The following SEMA4D variants were observed in gnomAD, a reference collection of about 807,000 sequenced individuals.
The protein encoded by SEMA4D is semaphorin 4D.
SEMA4D carries 22 observed loss-of-function variants against 74.8 expected under a neutral mutation model. The observed-to-expected ratio is 0.29, with a 90% CI of 0.21 to 0.42. SEMA4D has a LOEUF of 0.42. SEMA4D is among the 10% of genes least tolerant of loss of function. The probability of loss-of-function intolerance (pLI) is 1.00; values close to 1 mark genes in which losing one functional copy is unlikely to be tolerated. For missense variants in SEMA4D, 937 were observed against 1,118.4 expected (o/e 0.84, Z 2.31); for synonymous variants, 445 against 463.7 (o/e 0.96, Z 0.52).
At position 89,378,659 on chromosome 9, in the gene SEMA4D, T is replaced by C; in HGVS notation, c.*45A>G. Reference sequence around the variant, plus strand: ...GGAGAAACACAAAACTCTCCACGCCTGGACACGTCGCAGCCGAGGCACCAG... The same window carrying C: ...GGAGAAACACAAAACTCTCCACGCCCGGACACGTCGCAGCCGAGGCACCAG... On this transcript the variant is annotated 3_prime_UTR_variant, in exon 16 of 16. Coordinates refer to ENST00000422704, the MANE Select transcript of SEMA4D (RefSeq NM_001371194.2). 1 of 1,486,538 alleles carries C rather than the reference T, an allele frequency of 6.7e-7. No homozygotes were observed. The highest frequency in any genetic ancestry group is 9.4e-7 in the Non-Finnish European group (1 of 1,068,214). The allele number at this position is 1,486,538 out of a possible 1,614,324, so 92.1% of individuals were successfully genotyped here.
rs768446379 is a variant in SEMA4D at position 89,363,484 on chromosome 9, C to T, written c.2136G>A (p.Trp712Ter). ...GGTCGTGCTCCCCAGCCACAGCCCT[C>T]CAGGCAGAGAGCTCTCTGGTCCACC... The change falls in exon 18 of 19, where the codon TGG becomes TGA. Residue 712 changes from tryptophan (W) to a stop codon, truncating the protein, a stop_gained. Transcript: ENST00000339861. LOFTEE classifies it high-confidence loss of function. The T allele has an allele frequency of 6.2e-7, 1 of 1,614,126 alleles. No individual in the cohort carries two copies. The highest frequency in any genetic ancestry group is 1.1e-5 in the South Asian group (1 of 91,088).
intron 2 of SEMA4D, among the ~76,000 whole-genome samples, chr9:89,440,502 C>T (rs1851461956): frequency 6.7e-6 from 1 of 150,022 alleles, no homozygotes; most frequent in Non-Finnish European, 1.5e-5. Context: ...CTGAGCCCTA[C>T]CCTCCGCTTG....
intron 1 of SEMA4D, among the ~76,000 whole-genome samples, chr9:89,463,020 A>C (rs1271501046): frequency 8.5e-6 from 1 of 117,180 alleles, no homozygotes; most frequent in Admixed American, 8.9e-5. Flanking sequence ...CAGAAAAGGG[A>C]AACAGAACAA....
intron 9 of SEMA4D, among the ~76,000 whole-genome samples, chr9:89,389,595 T>C (rs936783950): frequency 1.3e-5 from 2 of 152,238 alleles, no homozygotes; most frequent in Admixed American, 1.3e-4. Flanking sequence ...GCTTTGAACC[T>C]AAGTTCTTTA....
chr9:89,428,152 C>A (rs1181222928), intron 2 of SEMA4D, among the ~76,000 whole-genome samples: 6 of 152,174 alleles, frequency 3.9e-5, no homozygotes, highest in African/African-American at 1.4e-4. Flanking sequence ...CCACCGCTGA[C>A]CTGTCATGGA....
chr9:89,467,604 T>A (rs1263390148), intron 1 of SEMA4D, among the ~76,000 whole-genome samples: 1 of 151,246 alleles, frequency 6.6e-6, no homozygotes, highest in Non-Finnish European at 1.5e-5. Context: ...CAATCTCAGC[T>A]TACTGCAACC....
intron 16 of SEMA4D, chr9:89,364,642 T>C (rs1055058914): frequency 6.4e-6 from 1 of 155,592 alleles, no homozygotes; most frequent in Non-Finnish European, 1.4e-5. Context: ...CTGTTGTTTT[T>C]CTCTGGGCTT....
intron 2 of SEMA4D, among the ~76,000 whole-genome samples, chr9:89,422,691 C>A (rs1014575903): frequency 1.3e-5 from 2 of 152,212 alleles, no homozygotes; most frequent in Non-Finnish European, 2.9e-5. Flanking sequence ...TCTCCACTTA[C>A]AATTCATTTT....
intron 2 of SEMA4D, among the ~76,000 whole-genome samples, chr9:89,406,220 C>T (rs749546859): frequency 5.8e-4 from 89 of 152,204 alleles, no homozygotes; most frequent in Non-Finnish European, 1.1e-3. Flanking sequence ...TGTACACACA[C>T]ACATGCACGG....
At chr9:89,421,435 C>A (rs939408895) in intron 2 of SEMA4D, among the ~76,000 whole-genome samples, 10 of 152,202 alleles carry the variant, frequency 6.6e-5, no homozygotes, top group African/African-American at 2.4e-4. Flanking sequence ...CCCTGCTGGG[C>A]AACACCTGCC....
At chr9:89,435,035 A>G (rs1219697686) in intron 2 of SEMA4D, among the ~76,000 whole-genome samples, 1 of 152,192 alleles carries the variant, frequency 6.6e-6, no homozygotes, top group Non-Finnish European at 1.5e-5. Flanking sequence ...GGAAGTCCCA[A>G]CCAAACACAT....
chr9:89,477,609 C>T (rs949559867), intron 1 of SEMA4D, among the ~76,000 whole-genome samples: 11 of 152,246 alleles, frequency 7.2e-5, no homozygotes, highest in East Asian at 5.8e-4. Context: ...GGCATGACCG[C>T]GACTTTGGGG....
chr9:89,450,784 C>T lies in SEMA4D; in HGVS notation c.-244+5104G>A, dbSNP rs530953617. 3.4e-5 allele frequency: 31 copies of T among 900,098 alleles called. No homozygotes were observed. In the African/African-American group the frequency reaches 4.4e-4, roughly 13 times the overall value. The allele number at this position is 900,098 out of a possible 1,614,324, so 55.8% of individuals were successfully genotyped here. A position where few individuals can be genotyped will look rare whatever the true frequency, so the allele number is the denominator to read the frequency against. On this transcript the variant is annotated intron_variant, in intron 2 of 15. Transcript: ENST00000422704. Reference sequence around the variant, plus strand: ...GGTCCCATCTCCCCAGCTTGCTGCTCCTGCCTCATCCCCTTCCCACCACAC... The same window carrying T: ...GGTCCCATCTCCCCAGCTTGCTGCTTCTGCCTCATCCCCTTCCCACCACAC...
intron 2 of SEMA4D, among the ~76,000 whole-genome samples, chr9:89,434,334 G>A (rs544948082): frequency 7.9e-5 from 12 of 152,352 alleles, no homozygotes; most frequent in East Asian, 1.9e-4. Flanking sequence ...GAACAATGGC[G>A]TTGGGCGCCT....
rs879681379 is a variant in SEMA4D, at chr9:89,405,571, G to C, written c.-115C>G. On this transcript the variant is annotated 5_prime_UTR_variant, in exon 3 of 16. Transcript: ENST00000422704. ...CCCCAGGACCAGGGCCAGCAGCACA[G>C]CCTGGAGCTCGTGAACAGCGCGGTC... 86 of 1,507,328 alleles carry C rather than the reference G, an allele frequency of 5.7e-5. No homozygotes were observed. Among genetic ancestry groups the C allele is most frequent in the Non-Finnish European group, 7.0e-5 (79 of 1,132,006 alleles). 93.4% of individuals were successfully genotyped at this position (1,507,328 alleles called of 1,614,324 possible).
At position 89,402,900 on chromosome 9, in the gene SEMA4D, C is replaced by A. The variant is rs62620228; in HGVS notation, c.223G>T (p.Ala75Ser). The A allele has an allele frequency of 1.2e-6, 2 of 1,614,010 alleles. No individual in the cohort carries two copies. The highest frequency in any genetic ancestry group is 3.3e-4 in the Middle Eastern group (2 of 6,060). Reference protein sequence around the residue: ...GAREAVFAVNALNISEKQHEV... With the variant: ...GAREAVFAVNSLNISEKQHEV... The stretch of plus-strand genomic sequence containing the variant: ...TGCTGCTTCTCGGAGATGTTGAGTG[C>A]GTTCACAGCGAAGACCGCCTCCCGG... Residue 75 changes from alanine to serine, a missense_variant, in exon 4 of 16, where the codon GCA (alanine) becomes TCA (serine). Coordinates refer to ENST00000422704, the MANE Select transcript of SEMA4D (RefSeq NM_001371194.2).
At position 89,492,008 on chromosome 9, in the gene SEMA4D, T is replaced by C. The variant is rs1028440800; in HGVS notation, c.-310+5911A>G. Among the ~76,000 whole-genome samples the C allele has an allele frequency of 6.6e-6, 1 of 152,096 alleles. No homozygotes were observed. Among genetic ancestry groups the C allele is most frequent in the South Asian group, 2.1e-4 (1 of 4,818 alleles). On this transcript the variant is annotated intron_variant, in intron 1 of 15. Transcript: ENST00000422704. The surrounding 1 kb of genome is among the most constrained non-coding windows in gnomAD (Gnocchi z 4.3). ...CCTCCCACTCTGCTCCATCCTTCTC[T>C]TCAGGATGCAACCCTTCCAAGCGGG...
At chr9:89,374,665 C>T (rs1187243968), downstream of SEMA4D, among the ~76,000 whole-genome samples, 1 of 152,212 alleles carries the variant, frequency 6.6e-6, no homozygotes, top group Non-Finnish European at 1.5e-5. Flanking sequence ...TGTCCCTTCT[C>T]CCTGGGCACC....
intron 1 of SEMA4D, among the ~76,000 whole-genome samples, chr9:89,480,802 T>A (rs1824576422): frequency 6.6e-6 from 1 of 152,134 alleles, no homozygotes; most frequent in Non-Finnish European, 1.5e-5. Flanking sequence ...TGCCTCTCCC[T>A]CCACACCTCC....
Sources: allele counts gnomAD v4.1 joint callset (sites outside exome capture counted in the v4.1 genomes callset), GRCh38; gene constraint gnomAD v4.1.1; non-coding constraint Gnocchi (gnomAD v3.1); transcripts MANE v1.5; gene names NCBI Gene and HGNC (gene_info 2026-07-23, HGNC 2026-07-21).